The following MSH4 variants were observed in gnomAD, a reference collection of about 807,000 sequenced individuals.
The protein encoded by MSH4 is mutS protein homolog 4.
Under a neutral mutation model 113.7 loss-of-function variants are expected in MSH4, and 106 were observed. The ratio of observed to expected loss-of-function variants is 0.93; its 90% confidence interval spans 0.80 to 1.10. MSH4 has a LOEUF of 1.10. MSH4 is among the 50% of genes least tolerant of loss of function. The probability of loss-of-function intolerance (pLI) is 0.00; values close to 1 mark genes in which losing one functional copy is unlikely to be tolerated. For missense variants in MSH4, 1,061 were observed against 1,093.7 expected, an observed-to-expected ratio of 0.97 and a Z score of 0.42; for synonymous variants, 368 against 380.2, an observed-to-expected ratio of 0.97 and a Z score of 0.37.
intron 8 of MSH4, among the ~76,000 whole-genome samples, chr1:75,861,387 C>T (rs1651452471): frequency 6.6e-6 from 1 of 152,196 alleles, no homozygotes; most frequent in South Asian, 2.1e-4. Context: ...TGGCTTCTCC[C>T]CATCTTCATG....
chr1:75,798,926 G>T (rs926625624), intron 1 of MSH4, among the ~76,000 whole-genome samples: 9 of 152,090 alleles, frequency 5.9e-5, no homozygotes, highest in Non-Finnish European at 1.0e-4. Context: ...TGTGGAAAAT[G>T]ATCTTATCAT....
chr1:75,854,195 C>A (rs1200146294), intron 8 of MSH4, among the ~76,000 whole-genome samples: 1 of 151,298 alleles, frequency 6.6e-6, no homozygotes, highest in African/African-American at 2.4e-5. Context: ...AATGAAAAAC[C>A]TGATGAGAAA....
At chr1:75,848,064 A>C in intron 7 of MSH4, 145 bp from the exon 8 acceptor site, 1 of 517,474 alleles carries the variant, frequency 1.9e-6, no homozygotes, top group Non-Finnish European at 3.4e-6. Context: ...TATTCATTTT[A>C]CATGTAAGAT....
intron 15 of MSH4, among the ~76,000 whole-genome samples, chr1:75,886,615 A>T (rs1286881205): frequency 4.6e-5 from 3 of 65,880 alleles, no homozygotes; most frequent in African/African-American, 6.8e-5. Flanking sequence ...TATAATGTAT[A>T]ATATATAAAT....
chr1:75,868,613 A>C (rs921203511), intron 9 of MSH4, among the ~76,000 whole-genome samples: 6 of 152,218 alleles, frequency 3.9e-5, no homozygotes, highest in African/African-American at 1.2e-4. Context: ...ATCTCACCTT[A>C]AATTGTAAGA....
chr1:75,874,926 T>A (rs1260460373), intron 9 of MSH4, among the ~76,000 whole-genome samples: 1 of 152,148 alleles, frequency 6.6e-6, no homozygotes, highest in Non-Finnish European at 1.5e-5. Context: ...GGGGTCTCAC[T>A]CTGTCACCCA....
rs528869633 is a variant in MSH4 at position 75,821,263 on chromosome 1, G to A, written c.990-1146G>A. Among the ~76,000 whole-genome samples the A allele has an allele frequency of 7.1e-3, 1,074 of 151,870 alleles. 14 individuals are homozygous for A. The highest frequency in any genetic ancestry group is 0.025 in the African/African-American group (1,018 of 41,440). On this transcript the variant is annotated intron_variant, in intron 6 of 19. Transcript: ENST00000263187. ...AGGATTAAGAAACTCACTCAAAACC[G>A]CTCAACTACATAGAAACTGAACAAC... is the stretch of plus-strand genomic sequence containing the variant.
chr1:75,819,834 C>T (rs899757214), intron 6 of MSH4, among the ~76,000 whole-genome samples: 1 of 152,144 alleles, frequency 6.6e-6, no homozygotes, highest in African/African-American at 2.4e-5. Flanking sequence ...GCTCAGCCTC[C>T]TGAGAAGCTG....
intron 7 of MSH4, among the ~76,000 whole-genome samples, chr1:75,831,091 G>A (rs1312151174): frequency 6.6e-6 from 1 of 152,186 alleles, no homozygotes; most frequent in Non-Finnish European, 1.5e-5. Context: ...AGGGATGGAG[G>A]AAGGTGTACC....
Position 75,807,011 on chromosome 1 carries a change from C to A in MSH4, c.458C>A (p.Ser153Tyr). The A allele has an allele frequency of 2.5e-6, 4 of 1,586,172 alleles. No homozygotes were observed. Among genetic ancestry groups the A allele is most frequent in the Non-Finnish European group, 3.4e-6 (4 of 1,171,396 alleles). ...ASSSSAISAH[S>Y]PSVIVAVVEG... Reference sequence around the variant, plus strand: ...TCCTCATCTGCGATTTCTGCACACTCCCCATCAGTTATTGTAGCTGTTGTA... The same window carrying A: ...TCCTCATCTGCGATTTCTGCACACTACCCATCAGTTATTGTAGCTGTTGTA... Residue 153 changes from serine to tyrosine, a missense_variant, in exon 3 of 20, where the codon TCC (serine) becomes TAC (tyrosine). Ser to Tyr is a moderately radical substitution (Grantham distance 144, BLOSUM62 -2). Transcript: ENST00000263187.
rs770725311 is a variant in MSH4, at chr1:75,898,086, T to G, written c.2530+5T>G. 1 of 1,546,402 alleles carries G rather than the reference T, an allele frequency of 6.5e-7. No homozygotes were observed. Among genetic ancestry groups the G allele is most frequent in the Admixed American group, 1.9e-5 (1 of 51,996 alleles). Reference sequence around the variant, plus strand: ...TCACAGAAGAGAAAAATTATGGTACTGCATATAGAAATTATACCTATACAT... The same window carrying G: ...TCACAGAAGAGAAAAATTATGGTACGGCATATAGAAATTATACCTATACAT... On this transcript the variant is annotated splice_donor_5th_base_variant and intron_variant, in intron 18 of 19. Coordinates refer to ENST00000263187, the MANE Select transcript of MSH4 (RefSeq NM_002440.4).
intron 9 of MSH4, among the ~76,000 whole-genome samples, chr1:75,871,835 G>A (rs1336773823): frequency 6.6e-6 from 1 of 152,166 alleles, no homozygotes; most frequent in Non-Finnish European, 1.5e-5. Flanking sequence ...TATAAGTAGA[G>A]TAGAACTGCA....
chr1:75,860,581 G>C (rs1034440710), intron 8 of MSH4, among the ~76,000 whole-genome samples: 1 of 152,188 alleles, frequency 6.6e-6, no homozygotes, highest in East Asian at 1.9e-4. Flanking sequence ...TAAGAATGTT[G>C]AATATTGGCC....
At chr1:75,860,431 T>C (rs1355584499) in intron 8 of MSH4, among the ~76,000 whole-genome samples, 1 of 152,210 alleles carries the variant, frequency 6.6e-6, no homozygotes, top group African/African-American at 2.4e-5. Context: ...TAGTGCTTCC[T>C]GCAGGAGCTC....
At chr1:75,832,673 C>A (rs556438515) in intron 7 of MSH4, among the ~76,000 whole-genome samples, 62 of 152,174 alleles carry the variant, frequency 4.1e-4, no homozygotes, top group Middle Eastern at 3.4e-3. Flanking sequence ...TAAACAGAAC[C>A]AAAGGCAAAA....
rs775023850 is a variant in MSH4, at chr1:75,806,235, G to GTTTTTT, written c.428-721_428-716dup. Among the ~76,000 whole-genome samples, 4 of 60,778 alleles carry GTTTTTT rather than the reference G, an allele frequency of 6.6e-5. 1 individual carries two copies. The highest frequency in any genetic ancestry group is 1.1e-3 in the East Asian group (2 of 1,836). The allele number at this position is 60,778 out of a possible 152,430, so 39.9% of individuals were successfully genotyped here. A position where few individuals can be genotyped will look rare whatever the true frequency, so the allele number is the denominator to read the frequency against. On this transcript the variant is annotated intron_variant, in intron 2 of 19. Coordinates refer to ENST00000263187, the MANE Select transcript of MSH4 (RefSeq NM_002440.4). ...AATATTTTGATGACTTTTCTGTTTG[G>GTTTTTT]TTTTTTTTTTTTTTTTTTTTTTTTT...
chr1:75,813,554 G>A (rs1299808352), intron 4 of MSH4, among the ~76,000 whole-genome samples: 3 of 152,012 alleles, frequency 2.0e-5, no homozygotes, highest in African/African-American at 7.3e-5. Flanking sequence ...TTTTATATAG[G>A]GTAATCAGAG....
At chr1:75,860,727 C>T (rs1045988171) in intron 8 of MSH4, among the ~76,000 whole-genome samples, 2 of 152,084 alleles carry the variant, frequency 1.3e-5, no homozygotes, top group Admixed American at 6.6e-5. Context: ...GGTGAATCTG[C>T]CAATTATGTG....
intron 8 of MSH4, among the ~76,000 whole-genome samples, chr1:75,852,267 G>A (rs1160488773): frequency 3.9e-5 from 6 of 152,124 alleles, no homozygotes; most frequent in Non-Finnish European, 8.8e-5. Flanking sequence ...TAACACATTT[G>A]GTTTATCAGT....
Sources: allele counts gnomAD v4.1 joint callset (sites outside exome capture counted in the v4.1 genomes callset), GRCh38; gene constraint gnomAD v4.1.1; transcripts MANE v1.5; gene names NCBI Gene and HGNC (gene_info 2026-07-23, HGNC 2026-07-21).